ACCS: variants seen among roughly 807,000 people sequenced by gnomAD.
ACCS encodes 1-aminocyclopropane-1-carboxylate synthase-like protein 1.
Under a neutral mutation model 59.8 loss-of-function variants are expected in ACCS, and 42 were observed. That is an observed-to-expected ratio of 0.70 (90% CI 0.55 to 0.91). The LOEUF is 0.91. Ranked by LOEUF, ACCS falls within the 40% of genes least tolerant of loss-of-function variation. The pLI is 0.00. For missense variants in ACCS, 602 were observed against 630.4 expected, an observed-to-expected ratio of 0.95 and a Z score of 0.48; for synonymous variants, 230 against 240.3, an observed-to-expected ratio of 0.96 and a Z score of 0.40.
At chr11:44,078,051 G>A in intron 8 of ACCS, 129 bp downstream of exon 8, 2 of 1,211,782 alleles carry the variant, frequency 1.7e-6, no homozygotes, top group South Asian at 3.3e-5. Flanking sequence ...GACAGGTAGG[G>A]TGGTAGCACA....
At position 44,083,783 on chromosome 11, in the gene ACCS, A is replaced by T. The variant is rs755060500; in HGVS notation, c.1497A>T (p.Gln499His). 12 of 1,610,910 alleles carry T rather than the reference A, an allele frequency of 7.4e-6. No homozygotes were observed. The South Asian group carries it at 1.1e-4, about 15-fold the overall frequency. The change falls in exon 15 of 15, where the codon CAA becomes CAT. Residue 499 changes from glutamine (Q) to histidine (H), a missense_variant. Gln to His is a conservative substitution (Grantham distance 24). Coordinates refer to ENST00000263776, the MANE Select transcript of ACCS (RefSeq NM_032592.4). ...CTCAGAGCCAGGAGCCAAGTGACCA[A>T]CGCAGGTGAGCTGGTCATTGTCTCG... ...RPSQSQEPSDQRR is the reference protein window; with the variant it reads ...RPSQSQEPSDHRR
chr11:44,075,133 C>T (rs573638576), intron 5 of ACCS, among the ~76,000 whole-genome samples: 1 of 152,134 alleles, frequency 6.6e-6, no homozygotes, highest in Non-Finnish European at 1.5e-5. Context: ...CTCCATTCCC[C>T]ATCTTTGGGC....
At chr11:44,073,583 TG>T in intron 4 of ACCS, 66 bp downstream of exon 4, 1 of 1,508,332 alleles carries the variant, frequency 6.6e-7, no homozygotes, top group Non-Finnish European at 9.0e-7. Flanking sequence ...GAGACATTTT[TG>T]GTTGTTATAA....
intron 10 of ACCS, 140 bp from the exon 11 acceptor site, chr11:44,080,880 G>A (rs189473075): frequency 2.9e-6 from 3 of 1,023,486 alleles, no homozygotes; most frequent in East Asian, 2.5e-5. Flanking sequence ...ATGGGAATGG[G>A]TGGTTCAAAG....
chr11:44,074,742 TTC>T (rs1275842686), intron 5 of ACCS, 61 bp downstream of exon 5: 2 of 132,928 alleles, frequency 1.5e-5, no homozygotes, highest in East Asian at 1.0e-4. Flanking sequence ...ATCTCTTTCT[TTC>T]TTTCTTTCTT....
chr11:44,069,015 T>TTAGTAGAAGGAGGTC (rs1952919715), intron 2 of ACCS, among the ~76,000 whole-genome samples: 1 of 152,162 alleles, frequency 6.6e-6, no homozygotes, highest in Non-Finnish European at 1.5e-5. Flanking sequence ...CTGGGGATGT[T>TTAGTAGAAGGAGGTC]GCTATTTAGT....
In ACCS at chr11:44,071,252, C is replaced by T. The variant is rs1953036722; in HGVS notation, c.289-4C>T. The stretch of plus-strand genomic sequence containing the variant: ...AACTCTGCCTCTGTACCTCTCATCT[C>T]CAGGGCATCATTAACTTGGGCACCA... On this transcript the variant is annotated splice_polypyrimidine_tract_variant and splice_region_variant and intron_variant, in intron 2 of 14. Transcript: ENST00000263776. The T allele has an allele frequency of 1.2e-6, 2 of 1,614,134 alleles. No homozygotes were observed. Among genetic ancestry groups the T allele is most frequent in the Non-Finnish European group, 1.7e-6 (2 of 1,179,994 alleles).
intron 6 of ACCS, chr11:44,075,965 T>C (rs1339629742): frequency 1.6e-5 from 3 of 192,818 alleles, no homozygotes; most frequent in Admixed American, 1.1e-4. Flanking sequence ...GAGGCCCACT[T>C]CTATCTTCCT....
At chr11:44,079,250 C>T (rs538982741) in intron 9 of ACCS, 20 of 434,226 alleles carry the variant, frequency 4.6e-5, no homozygotes, top group African/African-American at 1.2e-4. Flanking sequence ...TGGGTCTCTC[C>T]GACTCGAGCC....
At position 44,077,404 on chromosome 11, in the gene ACCS, C is replaced by T. The variant is rs771870363; in HGVS notation, c.654+28C>T. On this transcript the variant is annotated intron_variant, in intron 7 of 14. Coordinates refer to ENST00000263776, the MANE Select transcript of ACCS (RefSeq NM_032592.4). ...AAGAGTCTTGACTTCCTAGGTGGAACCTGGGCCTGCCTGTGGTCAAGAGTT... is the reference window on the plus strand; with the variant it reads ...AAGAGTCTTGACTTCCTAGGTGGAATCTGGGCCTGCCTGTGGTCAAGAGTT... The T allele has an allele frequency of 3.1e-6, 5 of 1,612,480 alleles. No individual in the cohort carries two copies. The African/African-American group carries it at 6.7e-5, about 22-fold the overall frequency.
chr11:44,077,111 C>A (rs1953400596), intron 6 of ACCS, among the ~76,000 whole-genome samples, 168 bp from the exon 7 acceptor site: 1 of 152,180 alleles, frequency 6.6e-6, no homozygotes, highest in South Asian at 2.1e-4. Flanking sequence ...AGGGGCTGAT[C>A]TCAGTGGATC....
At chr11:44,071,213 C>G (rs1442406708) in intron 2 of ACCS, 43 bp from the exon 3 acceptor site, 1 of 1,607,054 alleles carries the variant, frequency 6.2e-7, no homozygotes, top group African/African-American at 1.3e-5. Context: ...TCACTGGCAC[C>G]CCCCTGCCAT....
intron 12 of ACCS, chr11:44,082,133 ACAT>A (rs1348373749): frequency 6.6e-6 from 1 of 152,184 alleles, no homozygotes; most frequent in East Asian, 1.9e-4. Context: ...AATAGTGACA[ACAT>A]CAAGTGTTGA....
At chr11:44,073,319 C>T in intron 3 of ACCS, 128 bp from the exon 4 acceptor site, 2 of 784,742 alleles carry the variant, frequency 2.5e-6, no homozygotes, top group Non-Finnish European at 2.2e-6. Context: ...TATGAGAAAG[C>T]TGTCACTCTC....
intron 8 of ACCS, 142 bp from the exon 9 acceptor site, chr11:44,078,542 C>G (rs1219210700): frequency 1.8e-5 from 11 of 606,610 alleles, no homozygotes; most frequent in South Asian, 1.3e-4. Context: ...ATTCTGTGTT[C>G]CGCTTGTTTG....
chr11:44,075,263 C>T (rs1166483461), intron 5 of ACCS, among the ~76,000 whole-genome samples: 1 of 152,180 alleles, frequency 6.6e-6, no homozygotes, highest in Non-Finnish European at 1.5e-5. Flanking sequence ...AATTTCCACC[C>T]CATGTTGTTC....
chr11:44,075,465 G>A, intron 5 of ACCS, 61 bp from the exon 6 acceptor site: 1 of 1,570,212 alleles, frequency 6.4e-7, no homozygotes, highest in Non-Finnish European at 8.8e-7. Flanking sequence ...CTGGGAGGCT[G>A]CGGGTCCGTG....
intron 9 of ACCS, 157 bp downstream of exon 9, chr11:44,078,941 G>A: frequency 3.2e-6 from 2 of 615,430 alleles, no homozygotes; most frequent in East Asian, 5.5e-5. Flanking sequence ...GGATTTGTGG[G>A]ATGCCCATTC....
intron 9 of ACCS, 23 bp downstream of exon 9, chr11:44,078,807 C>A: frequency 6.2e-7 from 1 of 1,601,962 alleles, no homozygotes; most frequent in East Asian, 2.2e-5. Flanking sequence ...ACACTGGCCC[C>A]GACAGAGCGT....
Sources: allele counts gnomAD v4.1 joint callset (sites outside exome capture counted in the v4.1 genomes callset), GRCh38; gene constraint gnomAD v4.1.1; transcripts MANE v1.5; gene names NCBI Gene and HGNC (gene_info 2026-07-23, HGNC 2026-07-21).